TBR1: variants seen among roughly 807,000 people sequenced by gnomAD.
The protein encoded by TBR1 is T-box brain transcription factor 1.
TBR1 carries 7 observed loss-of-function variants against 60.3 expected under a neutral mutation model. That is an observed-to-expected ratio of 0.12 (90% CI 0.07 to 0.22). TBR1 has a LOEUF of 0.22. Among genes scored for constraint, TBR1 ranks in the 10% least tolerant of loss-of-function variants. The pLI, the probability that TBR1 is intolerant of heterozygous loss-of-function variation, is 1.00. For synonymous variants in TBR1, 417 were observed against 409.9 expected (o/e 1.02, Z -0.21); for missense variants, 616 against 936.8 (o/e 0.66, Z 4.47).
rs1235792987 is a variant in TBR1, at chr2:161,424,245, G to A, written c.*18G>A. The A allele has an allele frequency of 1.3e-6, 2 of 1,532,028 alleles. No individual in the cohort carries two copies. The highest frequency in any genetic ancestry group is 2.4e-5 in the South Asian group (2 of 82,148). 94.9% of individuals were successfully genotyped at this position (1,532,028 alleles called of 1,614,324 possible). On this transcript the variant is annotated 3_prime_UTR_variant, in exon 6 of 6. Transcript: ENST00000389554. The surrounding 1 kb of genome is among the most constrained non-coding windows in gnomAD (Gnocchi z 4.4). The stretch of plus-strand genomic sequence containing the variant: ...ACAGCTAGGCCGCCCCTGCCCGCCC[G>A]GCCCCGCCGCGGCCCGGACCCCCAG...
At chr2:161,418,032 A>G in intron 2 of TBR1, 169 bp from the exon 3 acceptor site, 1 of 1,455,034 alleles carries the variant, frequency 6.9e-7, no homozygotes, top group African/African-American at 1.4e-5. Context: ...CCCAGTTAAT[A>G]GGAAGAAAGA....
rs748501635 is a variant in TBR1 at position 161,424,201 on chromosome 2, T to C, written c.2023T>C (p.Tyr675His). Residue 675 changes from tyrosine to histidine, a missense_variant, in exon 6 of 6, where the codon TAC (tyrosine) becomes CAC (histidine). By Grantham distance (83) the Tyr-to-His change is moderately conservative (BLOSUM62 2). Around this residue, in one of 8 missense-constraint regions of TBR1, gnomAD observed 210 missense variants for 297.4 expected, o/e 0.71. Coordinates refer to ENST00000389554, the MANE Select transcript of TBR1 (RefSeq NM_006593.4). This position sits in a 1 kb window ranked among gnomAD's most constrained non-coding sequence, Gnocchi z 4.4. ...EKNCAKDISG[Y>H]YGFYSHS ...GAACTGCGCCAAGGACATTAGCGGC[T>C]ACTATGGCTTCTACTCGCACAGCTA... 1 of 1,603,914 alleles carries C rather than the reference T, an allele frequency of 6.2e-7. No individual in the cohort carries two copies. The highest frequency in any genetic ancestry group is 8.5e-7 in the Non-Finnish European group (1 of 1,174,650).
chr2:161,420,167 A>T, intron 4 of TBR1, 29 bp from the exon 5 acceptor site: 1 of 1,593,978 alleles, frequency 6.3e-7, no homozygotes, highest in Non-Finnish European at 8.6e-7. Context: ...ATAAAAGGTG[A>T]GATAACATTC....
Position 161,416,633 on chromosome 2 carries a change from C to A in TBR1, c.223C>A (p.Pro75Thr). 6.2e-7 allele frequency: 1 copy of A among 1,614,200 alleles called. No individual in the cohort carries two copies. The highest frequency in any genetic ancestry group is 8.5e-7 in the Non-Finnish European group (1 of 1,180,040). The change falls in exon 1 of 6, where the codon CCA becomes ACA. Residue 75 changes from proline (P) to threonine (T), a missense_variant. Around this residue, in one of 8 missense-constraint regions of TBR1, gnomAD observed 211 missense variants for 268.7 expected, o/e 0.79. Coordinates refer to ENST00000389554, the MANE Select transcript of TBR1 (RefSeq NM_006593.4). The surrounding 1 kb of genome is among the most constrained non-coding windows in gnomAD (Gnocchi z 6.1). ...TDNFPDSKDS[P>T]GDVQRSKLSP... Reference sequence around the variant, plus strand: ...CAATTTTCCTGACTCCAAGGACTCACCAGGGGACGTCCAGAGAAGTAAACT... The same window carrying A: ...CAATTTTCCTGACTCCAAGGACTCAACAGGGGACGTCCAGAGAAGTAAACT...
At chr2:161,419,085 G>C (rs1382345239) in intron 4 of TBR1, 35 bp downstream of exon 4, 9 of 1,613,140 alleles carry the variant, frequency 5.6e-6, no homozygotes, top group Non-Finnish European at 7.6e-6. Flanking sequence ...CGAGGCGGGC[G>C]GCACAGACAT....
At chr2:161,418,829 G>T in intron 3 of TBR1, 63 bp from the exon 4 acceptor site, 1 of 1,568,890 alleles carries the variant, frequency 6.4e-7, no homozygotes, top group Non-Finnish European at 8.7e-7. Flanking sequence ...GGCGCACACA[G>T]CCACGCGCAC....
At chr2:161,418,644 T>C in intron 3 of TBR1, 1 of 566,582 alleles carries the variant, frequency 1.8e-6, no homozygotes, top group South Asian at 2.3e-5. Flanking sequence ...AGAAGGGCCC[T>C]GAGGATCGGG....
At position 161,416,814 on chromosome 2, in the gene TBR1, C is replaced by A. The variant is rs199700587; in HGVS notation, c.404C>A (p.Pro135His). 10 of 1,614,172 alleles carry A rather than the reference C, an allele frequency of 6.2e-6. No homozygotes were observed. In the Admixed American group the frequency reaches 1.5e-4, roughly 24 times the overall value. The change falls in exon 1 of 6, where the codon CCC (proline) becomes CAC (histidine). Residue 135 changes from proline (P) to histidine (H), a missense_variant. Pro to His is a moderately conservative substitution (Grantham distance 77). Around this residue, in one of 8 missense-constraint regions of TBR1, gnomAD observed 211 missense variants for 268.7 expected, o/e 0.79. Transcript: ENST00000389554. This position sits in a 1 kb window ranked among gnomAD's most constrained non-coding sequence, Gnocchi z 6.1. ...CCCGGCCAGCACGGACCGGCGCACC[C>A]CGCCTTCTCCATCGGCAGCCCTAGC... Reference protein sequence around the residue: ...PYPGQHGPAHPAFSIGSPSRY... With the variant: ...PYPGQHGPAHHAFSIGSPSRY...
At chr2:161,419,469 C>G (rs965049527) in intron 4 of TBR1, 4 of 180,518 alleles carry the variant, frequency 2.2e-5, no homozygotes, top group Non-Finnish European at 4.6e-5. Flanking sequence ...CTCTCTCTCT[C>G]TCTTTTTTTC....
intron 4 of TBR1, chr2:161,419,452 A>C: frequency 5.6e-6 from 1 of 178,532 alleles, no homozygotes; most frequent in Admixed American, 6.3e-5. Context: ...CATCTAAAAA[A>C]AAATTTCTCT....
In TBR1 at chr2:161,424,488, G is replaced by A. The variant is rs1684290981; in HGVS notation, c.*261G>A. ...TTCCTACTTACTCTTCTTCTGTGGA[G>A]TTATCCTCCTACAATTCCCCTCCCC... is the stretch of plus-strand genomic sequence containing the variant. On this transcript the variant is annotated 3_prime_UTR_variant, in exon 6 of 6. Coordinates refer to ENST00000389554, the MANE Select transcript of TBR1 (RefSeq NM_006593.4). The surrounding 1 kb of genome is among the most constrained non-coding windows in gnomAD (Gnocchi z 4.4). The A allele has an allele frequency of 2.3e-6, 1 of 429,526 alleles. No individual in the cohort carries two copies. The highest frequency in any genetic ancestry group is 4.2e-6 in the Non-Finnish European group (1 of 240,562). The allele number at this position is 429,526 out of a possible 1,614,324, so 26.6% of individuals were successfully genotyped here. A position where few individuals can be genotyped will look rare whatever the true frequency, so the allele number is the denominator to read the frequency against.
Position 161,418,337 on chromosome 2 carries a change from C to A in TBR1, c.969+15C>A, listed in dbSNP as rs1355188847. On this transcript the variant is annotated intron_variant, in intron 3 of 5. Transcript: ENST00000389554. ...ACAATGGGCAGGTCAGTGGCTCAAG[C>A]GCTCGTGTTTTCTCTCTCTCTCACC... 5 of 1,609,922 alleles carry A rather than the reference C, an allele frequency of 3.1e-6. No individual in the cohort carries two copies. The highest frequency in any genetic ancestry group is 2.2e-5 in the East Asian group (1 of 44,842).
Position 161,425,695 on chromosome 2 carries a change from C to T in TBR1, c.*1468C>T, listed in dbSNP as rs914231948. On this transcript the variant is annotated 3_prime_UTR_variant, in exon 6 of 6. Coordinates refer to ENST00000389554, the MANE Select transcript of TBR1 (RefSeq NM_006593.4). The stretch of plus-strand genomic sequence containing the variant: ...TCCTAATAGGAATTCAGGGTCTAAA[C>T]GTGTGTATATTTTGGCTCTTCTGTA... The T allele has an allele frequency of 6.6e-6, 1 of 152,090 alleles. No homozygotes were observed. The highest frequency in any genetic ancestry group is 2.4e-5 in the African/African-American group (1 of 41,400). 9.4% of individuals were successfully genotyped at this position (152,090 alleles called of 1,614,324 possible).
At position 161,423,667 on chromosome 2, in the gene TBR1, G is replaced by A; in HGVS notation, c.1489G>A (p.Ala497Thr). 6.5e-7 allele frequency: 1 copy of A among 1,544,394 alleles called. No individual in the cohort carries two copies. ...GGCCAACAACCGGCTGGACTTCGCG[G>A]CCTCGGCCTATGACACGGCCACGGA... Reference protein sequence around the residue: ...TPANNRLDFAASAYDTATDFA... With the variant: ...TPANNRLDFATSAYDTATDFA... The change falls in exon 6 of 6, where the codon GCC (alanine) becomes ACC (threonine). Residue 497 changes from alanine (A) to threonine (T), a missense_variant. Around this residue, in one of 8 missense-constraint regions of TBR1, gnomAD observed 210 missense variants for 297.4 expected, o/e 0.71. Transcript: ENST00000389554.
rs967524009 is a variant in TBR1 at position 161,416,587 on chromosome 2, G to A, written c.177G>A (p.Met59Ile). 8.7e-6 allele frequency: 14 copies of A among 1,614,068 alleles called. No homozygotes were observed. In the African/African-American group the frequency reaches 1.7e-4, roughly 20 times the overall value. Residue 59 changes from methionine (M) to isoleucine (I), a missense_variant, in exon 1 of 6, where the codon ATG (methionine) becomes ATA (isoleucine). Physicochemically the swap from Met to Ile is conservative, Grantham distance 10. Transcript: ENST00000389554. This position sits in a 1 kb window ranked among gnomAD's most constrained non-coding sequence, Gnocchi z 6.1. Reference protein sequence around the residue: ...SSPLKKITRGMTNQSDTDNFP... With the variant: ...SSPLKKITRGITNQSDTDNFP... ...CTTTGAAAAAAATTACCAGGGGGAT[G>A]ACGAATCAGTCAGATACAGACAATT...
At chr2:161,420,062 T>C in intron 4 of TBR1, 134 bp from the exon 5 acceptor site, 1 of 553,626 alleles carries the variant, frequency 1.8e-6, no homozygotes, top group Non-Finnish European at 3.0e-6. Context: ...CCTCAAATTT[T>C]TCAGTTAGGA....
rs1684302336 is a variant in TBR1 at position 161,425,226 on chromosome 2, T to C, written c.*999T>C. ...CCCAAAGTGCCAAATCCATTACTGG[T>C]CTGTGCAGGTGCCAAATATGCTGAC... On this transcript the variant is annotated 3_prime_UTR_variant, in exon 6 of 6. Transcript: ENST00000389554. 6.6e-6 allele frequency: 1 copy of C among 152,228 alleles called. No homozygotes were observed. The highest frequency in any genetic ancestry group is 1.5e-5 in the Non-Finnish European group (1 of 68,038). The allele number at this position is 152,228 out of a possible 1,614,324, so 9.4% of individuals were successfully genotyped here.
Position 161,425,490 on chromosome 2 carries a change from A to G in TBR1, c.*1263A>G, listed in dbSNP as rs1430646436. 6.6e-6 allele frequency: 1 copy of G among 152,224 alleles called. No homozygotes were observed. The highest frequency in any genetic ancestry group is 2.4e-5 in the African/African-American group (1 of 41,452). The allele number at this position is 152,224 out of a possible 1,614,324, so 9.4% of individuals were successfully genotyped here. ...GGAGAACACTAGCATTAATGCAAGTAAGACTGATTTTCCCCTAAGTCTTGT... is the reference window on the plus strand; with the variant it reads ...GGAGAACACTAGCATTAATGCAAGTGAGACTGATTTTCCCCTAAGTCTTGT... On this transcript the variant is annotated 3_prime_UTR_variant, in exon 6 of 6. Coordinates refer to ENST00000389554, the MANE Select transcript of TBR1 (RefSeq NM_006593.4).
At position 161,418,967 on chromosome 2, in the gene TBR1, G is replaced by A; in HGVS notation, c.1045G>A (p.Asp349Asn). The A allele has an allele frequency of 6.2e-7, 1 of 1,614,242 alleles. No homozygotes were observed. Among genetic ancestry groups the A allele is most frequent in the Non-Finnish European group, 8.5e-7 (1 of 1,180,048 alleles). The change falls in exon 4 of 6, where the codon GAC becomes AAC. Residue 349 changes from aspartate to asparagine, a missense_variant. By Grantham distance (23) the Asp-to-Asn change is conservative. This residue lies in a region of TBR1 where 85 missense variants were observed against 164.9 expected (regional missense o/e 0.52). Coordinates refer to ENST00000389554, the MANE Select transcript of TBR1 (RefSeq NM_006593.4). ...GGAAGTGAACGAGGACGGCACGGAG[G>A]ACACTAGCCAGCCCGGCCGCGTGCA... The part of the protein sequence containing the change: ...VVEVNEDGTE[D>N]TSQPGRVQTF...
Sources: gnomAD v4.1 joint callset for allele counts on GRCh38, gnomAD v4.1.1 for gene constraint, gnomAD v4.1.1 regional missense constraint, Gnocchi (gnomAD v3.1) non-coding constraint, MANE v1.5 for transcripts, NCBI Gene and HGNC (gene_info 2026-07-23, HGNC 2026-07-21) for gene names.